RANBP2: variants seen among roughly 807,000 people sequenced by gnomAD.
RANBP2 encodes the protein E3 SUMO-protein ligase RanBP2.
RANBP2 carries 57 observed loss-of-function variants against 303.6 expected under a neutral mutation model. The observed-to-expected ratio is 0.19, with a 90% CI of 0.15 to 0.23. The LOEUF (loss-of-function observed/expected upper bound fraction) is 0.23. RANBP2 is among the 10% of genes least tolerant of loss of function. The probability of loss-of-function intolerance (pLI) is 1.00; values close to 1 mark genes in which losing one functional copy is unlikely to be tolerated. For synonymous variants in RANBP2, 1,167 were observed against 1,301.5 expected (o/e 0.90, Z 2.23); for missense variants, 3,138 against 3,780.8 (o/e 0.83, Z 4.46).
At chr2:108,782,905 G>C in intron 28 of RANBP2, 43 bp downstream of exon 28, 1 of 1,506,898 alleles carries the variant, frequency 6.6e-7, no homozygotes. Context: ...GTCTTGAAGA[G>C]TGCACCACAC....
chr2:108,966,879 GAC>G, the RANBP2 span, among the ~76,000 whole-genome samples: 1 of 152,220 alleles, frequency 6.6e-6, no homozygotes, highest in East Asian at 1.9e-4. Context: ...GTGAAAGGGA[GAC>G]AGAGAGGGAC....
At chr2:109,379,991 C>A in the RANBP2 span, among the ~76,000 whole-genome samples, 1 of 152,098 alleles carries the variant, frequency 6.6e-6, no homozygotes, top group Non-Finnish European at 1.5e-5. Flanking sequence ...CCTTACCTTT[C>A]AATTGGATTA....
chr2:109,675,418 A>C, the RANBP2 span, among the ~76,000 whole-genome samples: 19 of 152,190 alleles, frequency 1.2e-4, no homozygotes, highest in Non-Finnish European at 2.6e-4. Context: ...GCGGTGGCTC[A>C]TGCTTGTAAT....
the RANBP2 span, among the ~76,000 whole-genome samples, chr2:109,711,179 C>T: frequency 1.3e-5 from 2 of 152,064 alleles, no homozygotes; most frequent in Admixed American, 1.3e-4. Context: ...CTTCAGCCGC[C>T]CCGGCAAGTC....
chr2:108,813,629 A>G, the RANBP2 span, among the ~76,000 whole-genome samples: 12 of 152,194 alleles, frequency 7.9e-5, no homozygotes, highest in Admixed American at 5.9e-4. Context: ...AATTTGAGAT[A>G]TAAATTACAT....
the RANBP2 span, among the ~76,000 whole-genome samples, chr2:108,984,354 G>A: frequency 6.6e-6 from 1 of 152,178 alleles, no homozygotes; most frequent in Non-Finnish European, 1.5e-5. Context: ...CACAGGGCGT[G>A]AGCCACCATG....
chr2:109,072,108 C>T, the RANBP2 span, among the ~76,000 whole-genome samples: 2 of 152,110 alleles, frequency 1.3e-5, no homozygotes, highest in African/African-American at 2.4e-5. Context: ...GGGCCCCTGT[C>T]TATATATGCA....
chr2:109,380,767 A>G, the RANBP2 span, among the ~76,000 whole-genome samples: 5 of 152,158 alleles, frequency 3.3e-5, no homozygotes, highest in African/African-American at 1.2e-4. Context: ...TAGCCAGGCA[A>G]TCCCTGCCCA....
chr2:109,143,166 C>A, the RANBP2 span, among the ~76,000 whole-genome samples: 1 of 152,090 alleles, frequency 6.6e-6, no homozygotes, highest in Non-Finnish European at 1.5e-5. Flanking sequence ...ATTTAATGGT[C>A]CATTCTGTTT....
chr2:108,791,370 T>C, the RANBP2 span, among the ~76,000 whole-genome samples: 1 of 152,196 alleles, frequency 6.6e-6, no homozygotes, highest in African/African-American at 2.4e-5. Flanking sequence ...AACTACCTTA[T>C]AGATAACAGA....
At chr2:109,114,144 C>A in the RANBP2 span, among the ~76,000 whole-genome samples, 35 of 152,216 alleles carry the variant, frequency 2.3e-4, 1 homozygote, top group East Asian at 3.5e-3. Flanking sequence ...ATGATGCTGG[C>A]CTCATAAAAT....
the RANBP2 span, chr2:109,545,809 T>G: frequency 7.0e-6 from 10 of 1,425,490 alleles, no homozygotes; most frequent in Middle Eastern, 2.6e-4. Flanking sequence ...GTATTTTTAT[T>G]TTGTTCATTC....
chr2:109,084,553 A>G, the RANBP2 span, among the ~76,000 whole-genome samples: 1 of 152,164 alleles, frequency 6.6e-6, no homozygotes, highest in African/African-American at 2.4e-5. Flanking sequence ...GTTGGCAGTG[A>G]CATTGCCATC....
At chr2:109,625,087 C>CAA in the RANBP2 span, among the ~76,000 whole-genome samples, 1,231 of 60,052 alleles carry the variant, frequency 0.02, 33 homozygotes, top group East Asian at 0.13. Flanking sequence ...ACAACAACAA[C>CAA]AAAAAAAAAA....
the RANBP2 span, among the ~76,000 whole-genome samples, chr2:108,973,763 C>T: frequency 6.6e-6 from 1 of 152,222 alleles, no homozygotes; most frequent in African/African-American, 2.4e-5. Context: ...GCTTGGCTTC[C>T]ATCTCACAAT....
the RANBP2 span, among the ~76,000 whole-genome samples, chr2:108,997,440 C>CAAA: frequency 0.039 from 1,933 of 49,898 alleles, 464 homozygotes; most frequent in African/African-American, 0.11. Context: ...GACTCTGTCT[C>CAAA]AAAAAAAAAA....
the RANBP2 span, among the ~76,000 whole-genome samples, chr2:109,071,371 C>T: frequency 1.3e-5 from 2 of 152,060 alleles, no homozygotes; most frequent in Non-Finnish European, 2.9e-5. Flanking sequence ...ATTTAGATAC[C>T]CATTAGACAT....
the RANBP2 span, among the ~76,000 whole-genome samples, chr2:108,885,719 G>C: frequency 6.6e-6 from 1 of 152,108 alleles, no homozygotes; most frequent in Admixed American, 6.5e-5. Flanking sequence ...CTAACTTACT[G>C]TATGTTTGTA....
the RANBP2 span, among the ~76,000 whole-genome samples, chr2:109,200,292 T>G: frequency 1.3e-5 from 2 of 152,202 alleles, no homozygotes; most frequent in Non-Finnish European, 2.9e-5. Flanking sequence ...GGGCGTCTGT[T>G]TGCTCAGAGG....
Sources: allele counts gnomAD v4.1 joint callset (sites outside exome capture counted in the v4.1 genomes callset), GRCh38; gene constraint gnomAD v4.1.1; transcripts MANE v1.5; gene names NCBI Gene and HGNC (gene_info 2026-07-23, HGNC 2026-07-21).